Variants in NPRL3 observed in about 807,000 individuals in gnomAD.
The protein encoded by NPRL3 is NPR3 like, GATOR1 complex subunit.
NPRL3 carries 23 observed loss-of-function variants against 57.2 expected under a neutral mutation model. The ratio of observed to expected loss-of-function variants is 0.40; its 90% CI spans 0.29 to 0.57. The LOEUF (loss-of-function observed/expected upper bound fraction) is 0.57. NPRL3 is among the 20% of genes least tolerant of loss of function. The pLI, the probability that NPRL3 is intolerant of heterozygous loss-of-function variation, is 0.42. For synonymous variants in NPRL3, 333 were observed against 321.1 expected, an observed-to-expected ratio of 1.04 and a Z score of -0.39; for missense variants, 691 against 767.1, an observed-to-expected ratio of 0.90 and a Z score of 1.17.
At chr16:88,373 G>A (rs1596494488) in intron 13 of NPRL3, among the ~76,000 whole-genome samples, 2 of 132,260 alleles carry the variant, frequency 1.5e-5, no homozygotes, top group Non-Finnish European at 3.1e-5. Flanking sequence ...GGGTGACAGA[G>A]CGAGACTCCG....
At chr16:110,887 C>A (rs1004231281) in intron 6 of NPRL3, among the ~76,000 whole-genome samples, 4 of 152,086 alleles carry the variant, frequency 2.6e-5, no homozygotes, top group Admixed American at 2.0e-4. Flanking sequence ...TCTGGGATTA[C>A]AGGTGTGAGC....
chr16:92,262 G>A (rs1305230857), intron 11 of NPRL3, among the ~76,000 whole-genome samples: 1 of 152,192 alleles, frequency 6.6e-6, no homozygotes, highest in Non-Finnish European at 1.5e-5. Context: ...CAGTCCCAAA[G>A]GGGTACAAGG....
intron 11 of NPRL3, 70 bp from the exon 12 acceptor site, chr16:89,972 A>C (rs776948968): frequency 2.8e-6 from 4 of 1,426,712 alleles, no homozygotes; most frequent in Middle Eastern, 1.8e-4. Flanking sequence ...TCAGGGAGCC[A>C]TGGCCCTAGA....
chr16:104,946 C>G (rs1362126994), intron 7 of NPRL3, among the ~76,000 whole-genome samples: 3 of 152,216 alleles, frequency 2.0e-5, no homozygotes, highest in Non-Finnish European at 4.4e-5. Flanking sequence ...GTTTTTAAGT[C>G]TGCAGCTTTA....
At position 85,585 on chromosome 16, in the gene NPRL3, C is replaced by A; in HGVS notation, c.*1120G>T. On this transcript the variant is annotated 3_prime_UTR_variant, in exon 14 of 14. Transcript: ENST00000611875. Reference sequence around the variant, plus strand: ...TCAACAAGAGCTTTGACCAGAGGGACCTGGCACAGGATGAAGCTGTATGGC... The same window carrying A: ...TCAACAAGAGCTTTGACCAGAGGGAACTGGCACAGGATGAAGCTGTATGGC... 2.5e-6 allele frequency: 4 copies of A among 1,613,116 alleles called. No homozygotes were observed. Among genetic ancestry groups the A allele is most frequent in the Non-Finnish European group, 3.4e-6 (4 of 1,179,720 alleles).
At chr16:97,985 A>G (rs1899093701) in intron 9 of NPRL3, among the ~76,000 whole-genome samples, 160 bp downstream of exon 9, 2 of 152,144 alleles carry the variant, frequency 1.3e-5, no homozygotes, top group African/African-American at 2.4e-5. Flanking sequence ...TCAGATGCCA[A>G]AACCTCCAGC....
At chr16:87,295 G>A (rs972125642) in intron 13 of NPRL3, among the ~76,000 whole-genome samples, 5 of 151,770 alleles carry the variant, frequency 3.3e-5, no homozygotes, top group African/African-American at 9.7e-5. Context: ...GCAGTGGCTC[G>A]ATCTCAGCTC....
In NPRL3 at chr16:138,241, G is replaced by A; in HGVS notation, c.27C>T (p.Ser9=). Residue 9 remains serine, a synonymous_variant, in exon 2 of 14, where the codon AGC becomes AGT. Coordinates refer to ENST00000611875, the MANE Select transcript of NPRL3 (RefSeq NM_001077350.3). ...TGCTCCCCGAGCTCACCAGAATCAC[G>A]CTGATGGGGCTGGTGTTGTCCCGCA... MRDNTSPI[S]VILVSSGSRG... 2 of 1,607,192 alleles carry A rather than the reference G, an allele frequency of 1.2e-6. No individual in the cohort carries two copies. The highest frequency in any genetic ancestry group is 1.7e-6 in the Non-Finnish European group (2 of 1,177,242).
At position 88,858 on chromosome 16, in the gene NPRL3, T is replaced by C; in HGVS notation, c.1384A>G (p.Ser462Gly). 6.2e-7 allele frequency: 1 copy of C among 1,613,544 alleles called. No homozygotes were observed. The highest frequency in any genetic ancestry group is 8.5e-7 in the Non-Finnish European group (1 of 1,179,578). Residue 462 changes from serine to glycine, a missense_variant, in exon 13 of 14, where the codon AGC becomes GGC. Physicochemically the swap from Ser to Gly is moderately conservative, Grantham distance 56. Transcript: ENST00000611875. The stretch of plus-strand genomic sequence containing the variant: ...AGCTCTGCGCTGGAGTTGTCCATGC[T>C]GGGGCTGGTGAGGGTCATGTCATCG... ...SSDDMTLTSP[S>G]MDNSSAELLP...
At chr16:109,958 G>A (rs1213981712) in intron 7 of NPRL3, among the ~76,000 whole-genome samples, 1 of 151,962 alleles carries the variant, frequency 6.6e-6, no homozygotes, top group Non-Finnish European at 1.5e-5. Context: ...CCAGCAGAGT[G>A]CACCCTACTC....
chr16:117,600 A>G (rs548427881), intron 4 of NPRL3, among the ~76,000 whole-genome samples: 1 of 152,350 alleles, frequency 6.6e-6, no homozygotes, highest in South Asian at 2.1e-4. Context: ...CCCCGCTAAC[A>G]GAAGTGAGCT....
At chr16:109,428 G>A (rs555273414) in intron 7 of NPRL3, among the ~76,000 whole-genome samples, 311 of 152,310 alleles carry the variant, frequency 2.0e-3, no homozygotes, top group Non-Finnish European at 3.5e-3. Flanking sequence ...CTCACCCACT[G>A]AGCCTCAATT....
chr16:119,925 C>T (rs9921175), intron 3 of NPRL3, among the ~76,000 whole-genome samples: 3,145 of 152,328 alleles, frequency 0.021, 111 homozygotes, highest in African/African-American at 0.07. Flanking sequence ...CTGGGTGCCA[C>T]GGAGAAGTGG....
chr16:94,284 C>T (rs1047617134), intron 9 of NPRL3, among the ~76,000 whole-genome samples: 2 of 152,184 alleles, frequency 1.3e-5, no homozygotes, highest in Non-Finnish European at 2.9e-5. Context: ...CACAGCACCC[C>T]AGCACTTCAC....
intron 7 of NPRL3, among the ~76,000 whole-genome samples, chr16:106,240 G>C (rs372505151): frequency 5.6e-4 from 86 of 152,258 alleles, no homozygotes; most frequent in African/African-American, 1.9e-3. Context: ...CCCGGGAGAC[G>C]GAGGTTGCAG....
rs2238367 is a variant in NPRL3, at chr16:105,360, C to T, written c.630-4851G>A. 9.7e-3 allele frequency among the ~76,000 whole-genome samples: 1,470 copies of T among 152,330 alleles called. 70 individuals are homozygous for T. The East Asian group carries it at 0.13, about 14-fold the overall frequency. ...GAAGCTATCCTGCAAACCTCTGCAT[C>T]CTCTGGTCCCACGGATGGGCCTGGC... On this transcript the variant is annotated intron_variant, in intron 7 of 13. Transcript: ENST00000611875.
Position 98,392 on chromosome 16 carries a change from A to ATGCACCAGGTCC in NPRL3, c.768-103_768-92dup, listed in dbSNP as rs987709291. 9 of 1,393,344 alleles carry ATGCACCAGGTCC rather than the reference A, an allele frequency of 6.5e-6. No individual in the cohort carries two copies. In the South Asian group the frequency reaches 1.1e-4, roughly 17 times the overall value. 86.3% of individuals were successfully genotyped at this position (1,393,344 alleles called of 1,614,324 possible). A position where few individuals can be genotyped will look rare whatever the true frequency, so the allele number is the denominator to read the frequency against. Reference sequence around the variant, plus strand: ...GTCCTGCACCAGGTATGCACCGGGTATGCACCAGGTCCTGCACCAGGTATG... The same window carrying ATGCACCAGGTCC: ...GTCCTGCACCAGGTATGCACCGGGTATGCACCAGGTCCTGCACCAGGTCCTGCACCAGGTATG... On this transcript the variant is annotated intron_variant, in intron 8 of 13. Transcript: ENST00000611875.
chr16:135,280 C>G (rs1274001252), intron 2 of NPRL3, among the ~76,000 whole-genome samples: 1 of 152,200 alleles, frequency 6.6e-6, no homozygotes, highest in East Asian at 1.9e-4. Flanking sequence ...TCATCTGCAA[C>G]TCTTCACAAG....
At chr16:92,047 C>T (rs953039010) in intron 11 of NPRL3, among the ~76,000 whole-genome samples, 1 of 152,190 alleles carries the variant, frequency 6.6e-6, no homozygotes, top group African/African-American at 2.4e-5. Flanking sequence ...CTGCCCGTTG[C>T]CCTGATCCAG....
Sources: allele counts gnomAD v4.1 joint callset (sites outside exome capture counted in the v4.1 genomes callset), GRCh38; gene constraint gnomAD v4.1.1; transcripts MANE v1.5; gene names NCBI Gene and HGNC (gene_info 2026-07-23, HGNC 2026-07-21).